ADAM23: variants seen among roughly 807,000 people sequenced by gnomAD.
The protein encoded by ADAM23 is disintegrin and metalloproteinase domain-containing protein 23.
A neutral mutation model predicts 120.1 loss-of-function variants in ADAM23; 33 were observed. The observed-to-expected ratio is 0.27, with a 90% CI of 0.21 to 0.37. ADAM23 has a LOEUF of 0.37. Ranked by LOEUF, ADAM23 falls within the 10% of genes least tolerant of loss-of-function variation. The probability of loss-of-function intolerance (pLI) is 1.00; values close to 1 mark genes in which losing one functional copy is unlikely to be tolerated. For missense variants in ADAM23, 862 were observed against 1,058.2 expected, an observed-to-expected ratio of 0.81 and a Z score of 2.57; for synonymous variants, 367 against 375.2, an observed-to-expected ratio of 0.98 and a Z score of 0.25.
In ADAM23 at chr2:206,579,959, A is replaced by AT. The variant is rs910268742; in HGVS notation, c.1737+6776dup. 6.5e-3 allele frequency among the ~76,000 whole-genome samples: 941 copies of AT among 144,212 alleles called. 3 individuals are homozygous for AT. Among genetic ancestry groups the AT allele is most frequent in the Middle Eastern group, 0.051 (14 of 274 alleles). 94.6% of individuals were successfully genotyped at this position (144,212 alleles called of 152,430 possible). ...CCCTTTGTTAGGTATATTCCTAAGT[A>AT]TTTTTTTTTTTTGCAGCTATTGTAA... On this transcript the variant is annotated intron_variant, in intron 18 of 25. Coordinates refer to ENST00000264377, the MANE Select transcript of ADAM23 (RefSeq NM_003812.4).
intron 3 of ADAM23, among the ~76,000 whole-genome samples, chr2:206,495,407 A>G (rs1344548334): frequency 1.3e-5 from 2 of 152,166 alleles, no homozygotes; most frequent in Non-Finnish European, 2.9e-5. Context: ...ACTAAGCTTC[A>G]TAAGTGAAGG....
At chr2:206,449,230 T>C (rs1009530274) in intron 2 of ADAM23, among the ~76,000 whole-genome samples, 1 of 152,246 alleles carries the variant, frequency 6.6e-6, no homozygotes, top group Admixed American at 6.5e-5. Flanking sequence ...TTTTTTCTTA[T>C]ATCTCTTACT....
At chr2:206,608,895 TG>T (rs1346728650) in intron 24 of ADAM23, among the ~76,000 whole-genome samples, 1 of 152,210 alleles carries the variant, frequency 6.6e-6, no homozygotes, top group African/African-American at 2.4e-5. Flanking sequence ...CTAGCAACAT[TG>T]GCTTTGTGAT....
At chr2:206,605,931 G>A in intron 24 of ADAM23, 1 of 618,802 alleles carries the variant, frequency 1.6e-6, no homozygotes, top group Non-Finnish European at 2.9e-6. Flanking sequence ...CCTGATGTGT[G>A]AGGCGATGCC....
intron 2 of ADAM23, among the ~76,000 whole-genome samples, chr2:206,459,064 C>T (rs1246775883): frequency 6.6e-6 from 1 of 152,220 alleles, no homozygotes; most frequent in African/African-American, 2.4e-5. Flanking sequence ...TGATTCCCCT[C>T]TTCTTATAAA....
intron 25 of ADAM23, among the ~76,000 whole-genome samples, chr2:206,614,953 C>T (rs575202873): frequency 6.6e-6 from 1 of 152,142 alleles, no homozygotes; most frequent in South Asian, 2.1e-4. Context: ...CCAGGAAGAT[C>T]GGTGCATTTC....
intron 18 of ADAM23, among the ~76,000 whole-genome samples, chr2:206,585,984 A>G (rs969628241): frequency 1.3e-5 from 2 of 152,174 alleles, no homozygotes; most frequent in East Asian, 1.9e-4. Flanking sequence ...CCTCTTTGGG[A>G]TGATGATATT....
chr2:206,468,222 A>G (rs929071297), intron 2 of ADAM23, among the ~76,000 whole-genome samples: 3 of 152,110 alleles, frequency 2.0e-5, no homozygotes, highest in Non-Finnish European at 4.4e-5. Flanking sequence ...TCTCCTGAAA[A>G]TGGGCTTTTC....
chr2:206,561,288 C>A, intron 12 of ADAM23, 76 bp downstream of exon 12: 1 of 1,271,840 alleles, frequency 7.9e-7, no homozygotes, highest in Non-Finnish European at 1.1e-6. Flanking sequence ...CATCCTTTCT[C>A]GTGCTTGTTT....
chr2:206,588,175 T>C (rs760130989), intron 20 of ADAM23, 21 bp downstream of exon 20: 1 of 1,612,656 alleles, frequency 6.2e-7, no homozygotes, highest in Admixed American at 1.7e-5. Flanking sequence ...CCTCCTTGCT[T>C]GGCGGTTACA....
intron 3 of ADAM23, among the ~76,000 whole-genome samples, chr2:206,489,840 T>G (rs1696094028): frequency 6.6e-6 from 1 of 152,146 alleles, no homozygotes; most frequent in African/African-American, 2.4e-5. Context: ...CTGTTCACAT[T>G]AAGTGAGAAA....
At chr2:206,473,367 A>C (rs1424105383) in intron 2 of ADAM23, among the ~76,000 whole-genome samples, 1 of 152,008 alleles carries the variant, frequency 6.6e-6, no homozygotes, top group African/African-American at 2.4e-5. Context: ...CACTCCACAA[A>C]TTCAAATGCG....
chr2:206,620,300 G>C lies in ADAM23; in HGVS notation c.*2673G>C, dbSNP rs903057593. ...GTCAGTGTAACTTTTTGTTACACTGGCAATTTCATAGGTAATCGAACCTAT... is the reference window on the plus strand; with the variant it reads ...GTCAGTGTAACTTTTTGTTACACTGCCAATTTCATAGGTAATCGAACCTAT... On this transcript the variant is annotated 3_prime_UTR_variant, in exon 26 of 26. Coordinates refer to ENST00000264377, the MANE Select transcript of ADAM23 (RefSeq NM_003812.4). 6.6e-6 allele frequency: 1 copy of C among 152,036 alleles called. No individual in the cohort carries two copies. The highest frequency in any genetic ancestry group is 6.6e-5 in the Admixed American group (1 of 15,252). 9.4% of individuals were successfully genotyped at this position (152,036 alleles called of 1,614,324 possible).
At chr2:206,493,347 A>G (rs1696170285) in intron 3 of ADAM23, among the ~76,000 whole-genome samples, 1 of 152,192 alleles carries the variant, frequency 6.6e-6, no homozygotes, top group Admixed American at 6.5e-5. Flanking sequence ...TTGTGTTTAA[A>G]AACAAAATAA....
At chr2:206,593,663 G>A (rs905403235) in intron 22 of ADAM23, among the ~76,000 whole-genome samples, 16 of 151,882 alleles carry the variant, frequency 1.1e-4, no homozygotes, top group Non-Finnish European at 1.3e-4. Context: ...TTACTTTGAC[G>A]TATACAAGCT....
At chr2:206,608,354 A>G (rs1197864807) in intron 24 of ADAM23, among the ~76,000 whole-genome samples, 1 of 152,218 alleles carries the variant, frequency 6.6e-6, no homozygotes, top group African/African-American at 2.4e-5. Flanking sequence ...TTTTAGGGTC[A>G]GACAAATCTG....
intron 10 of ADAM23, 47 bp downstream of exon 10, chr2:206,557,545 T>A: frequency 6.8e-7 from 1 of 1,480,658 alleles, no homozygotes; most frequent in Middle Eastern, 1.7e-4. Context: ...ATGGAATGGT[T>A]TATCTCTATT....
At chr2:206,479,632 G>C (rs888104052) in intron 2 of ADAM23, among the ~76,000 whole-genome samples, 5 of 152,048 alleles carry the variant, frequency 3.3e-5, no homozygotes, top group African/African-American at 9.7e-5. Context: ...ATTGAATAGA[G>C]GTTCTGTTGT....
At chr2:206,610,291 C>G (rs981040972) in intron 25 of ADAM23, among the ~76,000 whole-genome samples, 23 of 152,268 alleles carry the variant, frequency 1.5e-4, no homozygotes, top group African/African-American at 5.3e-4. Context: ...CTCTGAGATA[C>G]ATTCATTTCT....
Sources: gnomAD v4.1 joint callset for allele counts (sites outside exome capture counted in the v4.1 genomes callset) on GRCh38, gnomAD v4.1.1 for gene constraint, MANE v1.5 for transcripts, NCBI Gene and HGNC (gene_info 2026-07-23, HGNC 2026-07-21) for gene names.